The following SHQ1 variants were observed in gnomAD, a reference collection of about 807,000 sequenced individuals.
SHQ1 encodes the protein SHQ1, H/ACA ribonucleoprotein assembly factor.
A neutral mutation model predicts 53.8 loss-of-function variants in SHQ1; 49 were observed. The observed-to-expected ratio is 0.91, with a 90% confidence interval of 0.72 to 1.16. The LOEUF (loss-of-function observed/expected upper bound fraction) is 1.16. Among genes scored for constraint, SHQ1 ranks in the 50% most tolerant of loss-of-function variants. The pLI is 0.00. For synonymous variants in SHQ1, 243 were observed against 251.0 expected, an observed-to-expected ratio of 0.97 and a Z score of 0.30; for missense variants, 738 against 683.1, an observed-to-expected ratio of 1.08 and a Z score of -0.90.
At chr3:72,815,930 A>C (rs1408640447) in intron 7 of SHQ1, among the ~76,000 whole-genome samples, 1 of 152,178 alleles carries the variant, frequency 6.6e-6, no homozygotes, top group Non-Finnish European at 1.5e-5. Context: ...AAAAATGGTA[A>C]ATTTTTTCAA....
rs549049602 is a variant in SHQ1, at chr3:72,815,724, TAA to T, written c.883-323_883-322del. On this transcript the variant is annotated intron_variant, in intron 7 of 10. Transcript: ENST00000325599. ...TGCTCAATTTCTGTCCTTTTTCCACTAAGTTACATGCCTCCCAAACAATCCAT... is the reference window on the plus strand; with the variant it reads ...TGCTCAATTTCTGTCCTTTTTCCACTGTTACATGCCTCCCAAACAATCCAT... 1.3e-3 allele frequency among the ~76,000 whole-genome samples: 197 copies of T among 152,338 alleles called. 1 individual carries two copies. The highest frequency in any genetic ancestry group is 4.5e-3 in the African/African-American group (187 of 41,586).
chr3:72,832,369 A>G lies in SHQ1; in HGVS notation c.599T>C (p.Leu200Pro). ...AATCCTCAAAAATCTCATTACTCAC[A>G]GATAATGATCAGGATCAAACTTGGC... is the stretch of plus-strand genomic sequence containing the variant. ...ELAKFDPDHY[L>P]ADFFEDEAIE... Residue 200 changes from leucine (L) to proline (P), a missense_variant and splice_region_variant, in exon 5 of 11, where the codon CTA becomes CCA. Leu to Pro is a moderately conservative substitution (Grantham distance 98). Coordinates refer to ENST00000325599, the MANE Select transcript of SHQ1 (RefSeq NM_018130.3). The G allele has an allele frequency of 6.3e-7, 1 of 1,597,702 alleles. No individual in the cohort carries two copies. Among genetic ancestry groups the G allele is most frequent in the East Asian group, 2.2e-5 (1 of 44,798 alleles).
intron 6 of SHQ1, among the ~76,000 whole-genome samples, chr3:72,818,908 C>A (rs1707394705): frequency 1.3e-5 from 2 of 152,128 alleles, no homozygotes; most frequent in African/African-American, 2.4e-5. Context: ...TCTATATCTG[C>A]AAGGAACTAA....
chr3:72,733,000 C>G, the SHQ1 span, among the ~76,000 whole-genome samples: 1 of 151,664 alleles, frequency 6.6e-6, no homozygotes, highest in African/African-American at 2.4e-5. Context: ...CTTTCTAAGC[C>G]TGGCCACGGT....
chr3:72,787,258 G>T (rs1706260999), intron 10 of SHQ1, among the ~76,000 whole-genome samples: 1 of 152,124 alleles, frequency 6.6e-6, no homozygotes, highest in Non-Finnish European at 1.5e-5. Context: ...TGCAAAGAGG[G>T]TTTAGAATTT....
At chr3:72,739,460 A>C in the SHQ1 span, among the ~76,000 whole-genome samples, 1 of 152,214 alleles carries the variant, frequency 6.6e-6, no homozygotes, top group Non-Finnish European at 1.5e-5. Context: ...CAGCGTCTAC[A>C]GCTGGTAGAG....
In SHQ1 at chr3:72,749,781, A is replaced by T. The variant is rs1237310282; in HGVS notation, c.*503T>A. 1 of 220,894 alleles carries T rather than the reference A, an allele frequency of 4.5e-6. No individual in the cohort carries two copies. The highest frequency in any genetic ancestry group is 6.7e-5 in the East Asian group (1 of 15,026). 13.7% of individuals were successfully genotyped at this position (220,894 alleles called of 1,614,324 possible). ...TACACTTTGGTAAAAATACTTTTGA[A>T]CTTTATCTTCACAGTCGCGGCAAGG... On this transcript the variant is annotated 3_prime_UTR_variant, in exon 11 of 11. Coordinates refer to ENST00000325599, the MANE Select transcript of SHQ1 (RefSeq NM_018130.3).
intron 9 of SHQ1, among the ~76,000 whole-genome samples, chr3:72,812,044 T>C (rs144550838): frequency 2.6e-5 from 4 of 152,348 alleles, no homozygotes; most frequent in Non-Finnish European, 4.4e-5. Flanking sequence ...TATGGGCACT[T>C]TGGAATTTGT....
chr3:72,761,961 T>A (rs1705619345), intron 10 of SHQ1, among the ~76,000 whole-genome samples: 1 of 152,126 alleles, frequency 6.6e-6, no homozygotes, highest in Admixed American at 6.5e-5. Flanking sequence ...TCAGAATGAC[T>A]CTCGCACAGA....
intron 9 of SHQ1, chr3:72,794,316 A>C (rs1706533802): frequency 6.6e-6 from 1 of 152,228 alleles, no homozygotes; most frequent in African/African-American, 2.4e-5. Context: ...ACTAGAAAGT[A>C]AGTTTCAAAA....
Position 72,749,477 on chromosome 3 carries a change from CA to C in SHQ1, c.*806del. The stretch of plus-strand genomic sequence containing the variant: ...CTATACTGAGTAAAATATGCCTGAC[CA>C]AAAAAGGGATACATATTGTATGATT... On this transcript the variant is annotated 3_prime_UTR_variant, in exon 11 of 11. Coordinates refer to ENST00000325599, the MANE Select transcript of SHQ1 (RefSeq NM_018130.3). 4.6e-6 allele frequency: 1 copy of C among 216,262 alleles called. No individual in the cohort carries two copies. Among genetic ancestry groups the C allele is most frequent in the Non-Finnish European group, 9.3e-6 (1 of 107,448 alleles). 13.4% of individuals were successfully genotyped at this position (216,262 alleles called of 1,614,324 possible). A position where few individuals can be genotyped will look rare whatever the true frequency, so the allele number is the denominator to read the frequency against.
At chr3:72,758,811 C>T (rs989919605) in intron 10 of SHQ1, among the ~76,000 whole-genome samples, 1 of 152,160 alleles carries the variant, frequency 6.6e-6, no homozygotes, top group Non-Finnish European at 1.5e-5. Flanking sequence ...TCATGATCTG[C>T]CTGCCTTGGC....
At chr3:72,765,822 G>A (rs1705715584) in intron 10 of SHQ1, among the ~76,000 whole-genome samples, 2 of 151,898 alleles carry the variant, frequency 1.3e-5, no homozygotes, top group South Asian at 4.2e-4. Flanking sequence ...CAAAGTTCTA[G>A]GATTACAGGC....
At chr3:72,787,992 A>G (rs981543563) in intron 10 of SHQ1, among the ~76,000 whole-genome samples, 1 of 152,234 alleles carries the variant, frequency 6.6e-6, no homozygotes, top group African/African-American at 2.4e-5. Context: ...CCGGGATTGC[A>G]GACGGAGTCT....
chr3:72,730,135 A>T, the SHQ1 span, among the ~76,000 whole-genome samples: 3 of 149,670 alleles, frequency 2.0e-5, no homozygotes, highest in Non-Finnish European at 3.0e-5. Context: ...TTATTTTTTT[A>T]GAGACAGGGT....
At chr3:72,759,597 A>G (rs1705569955) in intron 10 of SHQ1, among the ~76,000 whole-genome samples, 1 of 152,196 alleles carries the variant, frequency 6.6e-6, no homozygotes, top group Non-Finnish European at 1.5e-5. Flanking sequence ...AGGCTGAGGC[A>G]GGAGAATCAC....
chr3:72,753,254 G>A (rs1705427869), intron 10 of SHQ1: 1 of 985,288 alleles, frequency 1.0e-6, no homozygotes, highest in Non-Finnish European at 1.2e-6. Flanking sequence ...GTGGCTTTGA[G>A]ACAAACTGGA....
intron 10 of SHQ1, among the ~76,000 whole-genome samples, chr3:72,790,575 G>A (rs956283515): frequency 8.1e-5 from 11 of 136,424 alleles, no homozygotes; most frequent in Admixed American, 2.2e-4. Flanking sequence ...AATTCCTTAC[G>A]AAAATCATGG....
At chr3:72,823,356 T>TG (rs1707544235) in intron 6 of SHQ1, among the ~76,000 whole-genome samples, 2 of 152,152 alleles carry the variant, frequency 1.3e-5, no homozygotes, top group East Asian at 3.9e-4. Context: ...TACTAGACAC[T>TG]GAAAAAATAG....
Sources: allele counts gnomAD v4.1 joint callset (sites outside exome capture counted in the v4.1 genomes callset), GRCh38; gene constraint gnomAD v4.1.1; transcripts MANE v1.5; gene names NCBI Gene and HGNC (gene_info 2026-07-23, HGNC 2026-07-21).